FBXL5: variants seen among roughly 807,000 people sequenced by gnomAD.
FBXL5 encodes F-box/LRR-repeat protein 5.
A neutral mutation model predicts 78.3 loss-of-function variants in FBXL5; 26 were observed. The ratio of observed to expected loss-of-function variants is 0.33; its 90% CI spans 0.24 to 0.46. The LOEUF (loss-of-function observed/expected upper bound fraction) is 0.46, where lower values mean the gene tolerates loss of function less well. FBXL5 is among the 20% of genes least tolerant of loss of function. The pLI, the probability that FBXL5 is intolerant of heterozygous loss-of-function variation, is 1.00. For synonymous variants in FBXL5, 295 were observed against 282.5 expected, an observed-to-expected ratio of 1.04 and a Z score of -0.45; for missense variants, 710 against 829.2, an observed-to-expected ratio of 0.86 and a Z score of 1.77.
At chr4:15,617,232 T>C (rs777927512) in intron 9 of FBXL5, among the ~76,000 whole-genome samples, 5 of 152,124 alleles carry the variant, frequency 3.3e-5, no homozygotes, top group Non-Finnish European at 4.4e-5. Context: ...CCATAAGTCA[T>C]AGAATGGATA....
intron 6 of FBXL5, among the ~76,000 whole-genome samples, chr4:15,628,497 A>G (rs1713292083): frequency 6.6e-6 from 1 of 152,182 alleles, no homozygotes; most frequent in Non-Finnish European, 1.5e-5. Context: ...TGAAAACACC[A>G]TAAACTCCAA....
intron 7 of FBXL5, 140 bp from the exon 8 acceptor site, chr4:15,627,095 T>TTC: frequency 2.3e-6 from 1 of 440,552 alleles, no homozygotes; most frequent in Non-Finnish European, 4.2e-6. Flanking sequence ...GAAAAAAGTA[T>TTC]AATAAAATAT....
chr4:15,608,405 T>C (rs113179875), intron 10 of FBXL5, among the ~76,000 whole-genome samples: 1 of 152,076 alleles, frequency 6.6e-6, no homozygotes, highest in Non-Finnish European at 1.5e-5. Flanking sequence ...TGGGTCATTA[T>C]GCTCCTGAAG....
At chr4:15,679,027 A>G (rs1471169522) in intron 1 of FBXL5, among the ~76,000 whole-genome samples, 3 of 152,056 alleles carry the variant, frequency 2.0e-5, no homozygotes, top group Non-Finnish European at 4.4e-5. Flanking sequence ...ATAATTCTCA[A>G]AAATCTCAAC....
chr4:15,624,688 C>A (rs545208492), intron 9 of FBXL5, among the ~76,000 whole-genome samples: 1 of 150,424 alleles, frequency 6.6e-6, no homozygotes, highest in African/African-American at 2.4e-5. Context: ...ACTTCTTCCA[C>A]ATGTTCTCTT....
At chr4:15,649,397 C>T (rs890494379) in intron 1 of FBXL5, among the ~76,000 whole-genome samples, 13 of 151,872 alleles carry the variant, frequency 8.6e-5, no homozygotes, top group African/African-American at 3.1e-4. Flanking sequence ...GGTGAAACCC[C>T]ATCTCTGCTA....
chr4:15,627,752 T>C (rs373671409), intron 7 of FBXL5, 133 bp downstream of exon 7: 1 of 703,770 alleles, frequency 1.4e-6, no homozygotes, highest in Non-Finnish European at 2.4e-6. Flanking sequence ...TAGCAGTGTA[T>C]GCCTACCCAT....
intron 10 of FBXL5, among the ~76,000 whole-genome samples, chr4:15,609,411 A>G (rs560369470): frequency 6.6e-6 from 1 of 152,168 alleles, no homozygotes; most frequent in Non-Finnish European, 1.5e-5. Flanking sequence ...ACTTGTTTTT[A>G]CTGAGTTCTA....
chr4:15,644,650 T>C lies in FBXL5; in HGVS notation c.143A>G (p.Tyr48Cys), dbSNP rs1715192179. The C allele has an allele frequency of 6.2e-7, 1 of 1,614,070 alleles. No individual in the cohort carries two copies. The highest frequency in any genetic ancestry group is 2.2e-5 in the East Asian group (1 of 44,858). The stretch of plus-strand genomic sequence containing the variant: ...CATTTTGAACTCCTTGAAAGTAGCA[T>C]ACAAAGACTGCAGAAGAGCACGGAA... ...NDFRALLQSL[Y>C]ATFKEFKMHE... Residue 48 changes from tyrosine to cysteine, a missense_variant, in exon 2 of 11, where the codon TAT becomes TGT. Tyr to Cys is a radical substitution (Grantham distance 194, BLOSUM62 -2). Around this residue, in one of 4 missense-constraint regions of FBXL5, gnomAD observed 132 missense variants for 156.9 expected, o/e 0.84. Transcript: ENST00000341285.
Position 15,625,886 on chromosome 4 carries a change from T to C in FBXL5, c.1216A>G (p.Arg406Gly). ...ITDVALEKIS[R>G]ALGILTSHQS... ...TGAGATGTCAGAATTCCAAGAGCTC[T>C]GGAAATCTTCTCTAGGGCCACATCT... The change falls in exon 9 of 11, where the codon AGA becomes GGA. Residue 406 changes from arginine (R) to glycine (G), a missense_variant. Physicochemically the swap from Arg to Gly is moderately radical, Grantham distance 125 (BLOSUM62 -2). Around this residue, in one of 4 missense-constraint regions of FBXL5, gnomAD observed 517 missense variants for 542.9 expected, o/e 0.95. Coordinates refer to ENST00000341285, the MANE Select transcript of FBXL5 (RefSeq NM_012161.4). The C allele has an allele frequency of 1.2e-6, 2 of 1,614,108 alleles. No individual in the cohort carries two copies. Among genetic ancestry groups the C allele is most frequent in the Non-Finnish European group, 1.7e-6 (2 of 1,180,018 alleles).
chr4:15,611,743 C>T (rs1722281927), intron 10 of FBXL5, among the ~76,000 whole-genome samples: 1 of 152,092 alleles, frequency 6.6e-6, no homozygotes, highest in African/African-American at 2.4e-5. Flanking sequence ...ATCTCAGACT[C>T]TTCTCAATAC....
intron 1 of FBXL5, among the ~76,000 whole-genome samples, chr4:15,680,533 C>T (rs557185112): frequency 6.6e-6 from 1 of 152,000 alleles, no homozygotes; most frequent in Non-Finnish European, 1.5e-5. Flanking sequence ...AAAAATTAGC[C>T]TGGCATGGTG....
chr4:15,638,462 A>G, intron 4 of FBXL5, 46 bp downstream of exon 4: 3 of 1,393,862 alleles, frequency 2.2e-6, no homozygotes, highest in Non-Finnish European at 1.9e-6. Flanking sequence ...TAAGATGTCA[A>G]TGACCTTACA....
chr4:15,659,470 T>C (rs1209580861), upstream of FBXL5, among the ~76,000 whole-genome samples: 2 of 152,202 alleles, frequency 1.3e-5, no homozygotes, highest in Non-Finnish European at 2.9e-5. Flanking sequence ...GTTCTGGGAA[T>C]CTCTTTACTC....
chr4:15,649,026 TGATCAACA>T (rs1430734775), intron 1 of FBXL5, among the ~76,000 whole-genome samples: 3 of 152,010 alleles, frequency 2.0e-5, no homozygotes, highest in Non-Finnish European at 2.9e-5. Context: ...TGGGAAAAAA[TGATCAACA>T]GATCAACAGA....
chr4:15,679,939 T>A (rs1004924247), intron 1 of FBXL5, among the ~76,000 whole-genome samples: 1 of 152,228 alleles, frequency 6.6e-6, no homozygotes, highest in South Asian at 2.1e-4. Flanking sequence ...AGAAATGACA[T>A]GTATTCACTG....
intron 9 of FBXL5, among the ~76,000 whole-genome samples, chr4:15,613,220 G>A (rs537186185): frequency 3.9e-5 from 6 of 152,152 alleles, no homozygotes; most frequent in Non-Finnish European, 5.9e-5. Flanking sequence ...CTGCTAATAA[G>A]TATGGGGTTC....
chr4:15,679,173 C>T (rs1029800813), intron 1 of FBXL5, among the ~76,000 whole-genome samples: 16 of 151,270 alleles, frequency 1.1e-4, no homozygotes, highest in African/African-American at 3.9e-4. Flanking sequence ...AGCGATTCTC[C>T]TGCCTCAGCC....
upstream of FBXL5, among the ~76,000 whole-genome samples, chr4:15,660,665 G>A (rs995114286): frequency 6.6e-6 from 1 of 152,150 alleles, no homozygotes; most frequent in Non-Finnish European, 1.5e-5. Flanking sequence ...GGACACTTTT[G>A]AGTGATAAAA....
Sources: gnomAD v4.1 joint callset for allele counts (sites outside exome capture counted in the v4.1 genomes callset) on GRCh38, gnomAD v4.1.1 for gene constraint, gnomAD v4.1.1 regional missense constraint, MANE v1.5 for transcripts, NCBI Gene and HGNC (gene_info 2026-07-23, HGNC 2026-07-21) for gene names.